Variants in ETV6 observed in about 807,000 individuals in gnomAD.
ETV6 encodes the protein ETS variant transcription factor 6, also known as transcription factor ETV6.
A neutral mutation model predicts 51.1 loss-of-function variants in ETV6; 16 were observed. The ratio of observed to expected loss-of-function variants is 0.31; its 90% CI spans 0.21 to 0.48. ETV6 has a LOEUF of 0.48. Ranked by LOEUF, ETV6 falls within the 20% of genes least tolerant of loss-of-function variation. The pLI is 0.99. For missense variants in ETV6, 458 were observed against 594.8 expected (o/e 0.77, Z 2.39); for synonymous variants, 240 against 224.1 (o/e 1.07, Z -0.64).
rs184432582 is a variant in ETV6, at chr12:11,849,331, C to G, written c.329-4096C>G. ...CTCACTATATTACCCAGGCTGGTCT[C>G]AAACTCCTGGGCTCAAGTGATCCTC... is the stretch of plus-strand genomic sequence containing the variant. On this transcript the variant is annotated intron_variant, in intron 3 of 7. Coordinates refer to ENST00000396373, the MANE Select transcript of ETV6 (RefSeq NM_001987.5). Among the ~76,000 whole-genome samples the G allele has an allele frequency of 3.1e-3, 477 of 152,198 alleles. 2 individuals carry two copies. Among genetic ancestry groups the G allele is most frequent in the African/African-American group, 0.011 (462 of 41,530 alleles).
At chr12:11,683,038 C>G (rs1007835053) in intron 1 of ETV6, among the ~76,000 whole-genome samples, 9 of 152,188 alleles carry the variant, frequency 5.9e-5, no homozygotes, top group African/African-American at 1.7e-4. Flanking sequence ...TGAGTAGATT[C>G]AATAATTCAA....
intron 1 of ETV6, among the ~76,000 whole-genome samples, chr12:11,693,430 T>C (rs928777896): frequency 6.6e-6 from 1 of 151,996 alleles, no homozygotes; most frequent in Non-Finnish European, 1.5e-5. Flanking sequence ...GGGTCTGTGC[T>C]ACTTAGTGTC....
intron 2 of ETV6, among the ~76,000 whole-genome samples, chr12:11,814,455 A>C (rs542947957): frequency 1.3e-5 from 2 of 152,204 alleles, no homozygotes; most frequent in Admixed American, 1.3e-4. Flanking sequence ...TATTGCAGAC[A>C]TGAAAGATCA....
chr12:11,807,182 T>G (rs557405532), intron 2 of ETV6, among the ~76,000 whole-genome samples: 23 of 152,362 alleles, frequency 1.5e-4, no homozygotes, highest in Admixed American at 1.4e-3. Context: ...GTAACTACAT[T>G]GCTTTTTACA....
chr12:11,699,536 T>C (rs938742450), intron 1 of ETV6, among the ~76,000 whole-genome samples: 4 of 152,168 alleles, frequency 2.6e-5, no homozygotes, highest in African/African-American at 9.7e-5. Context: ...GGTGTGTGTG[T>C]TTCTTCTATA....
chr12:11,671,724 C>T (rs1864318960), intron 1 of ETV6, among the ~76,000 whole-genome samples: 1 of 152,062 alleles, frequency 6.6e-6, no homozygotes, highest in Non-Finnish European at 1.5e-5. Context: ...ACTGAAGGTC[C>T]CAAGGCTATT....
At chr12:11,842,081 C>CAAA (rs35056557) in intron 3 of ETV6, among the ~76,000 whole-genome samples, 4 of 83,512 alleles carry the variant, frequency 4.8e-5, no homozygotes, top group Admixed American at 1.4e-4. Flanking sequence ...GACTCCGTCT[C>CAAA]AAAAAAAAAA....
At chr12:11,662,581 G>A (rs553715648) in intron 1 of ETV6, among the ~76,000 whole-genome samples, 109 of 152,348 alleles carry the variant, frequency 7.2e-4, no homozygotes, top group African/African-American at 2.5e-3. Context: ...GGTTCACCAT[G>A]GAGGAGGTGT....
At chr12:11,779,685 T>C (rs1945383419) in intron 2 of ETV6, among the ~76,000 whole-genome samples, 1 of 152,220 alleles carries the variant, frequency 6.6e-6, no homozygotes, top group Non-Finnish European at 1.5e-5. Flanking sequence ...GAAATAACCT[T>C]TGGTGCTTAG....
At chr12:11,804,303 C>T (rs922766676) in intron 2 of ETV6, among the ~76,000 whole-genome samples, 3 of 152,156 alleles carry the variant, frequency 2.0e-5, no homozygotes, top group African/African-American at 7.2e-5. Context: ...CTGTTACTTC[C>T]CTGTGCCAAA....
chr12:11,875,067 A>C (rs1234405113), intron 5 of ETV6, among the ~76,000 whole-genome samples: 2 of 152,198 alleles, frequency 1.3e-5, no homozygotes, highest in Admixed American at 1.3e-4. Flanking sequence ...GATACATGCA[A>C]ATTTATGTCT....
intron 1 of ETV6, among the ~76,000 whole-genome samples, chr12:11,730,017 G>A (rs1375826337): frequency 6.6e-6 from 1 of 152,102 alleles, no homozygotes; most frequent in African/African-American, 2.4e-5. Context: ...GCGTTACTGG[G>A]GGATTTTTCT....
Position 11,853,458 on chromosome 12 carries a change from T to G in ETV6, c.360T>G (p.Ile120Met). 2 of 1,614,142 alleles carry G rather than the reference T, an allele frequency of 1.2e-6. No individual in the cohort carries two copies. The highest frequency in any genetic ancestry group is 1.7e-6 in the Non-Finnish European group (2 of 1,179,962). The part of the protein sequence containing the change: ...GDVLYELLQH[I>M]LKQRKPRILF... ...TGCTCTATGAACTCCTTCAGCATAT[T>G]CTGAAGCAGAGGAAACCTCGGATTC... The change falls in exon 4 of 8, where the codon ATT becomes ATG. Residue 120 changes from isoleucine (I) to methionine (M), a missense_variant. Physicochemically the swap from Ile to Met is conservative, Grantham distance 10. Transcript: ENST00000396373.
intron 1 of ETV6, among the ~76,000 whole-genome samples, chr12:11,727,387 T>G (rs1865510921): frequency 6.6e-6 from 1 of 152,232 alleles, no homozygotes; most frequent in Non-Finnish European, 1.5e-5. Flanking sequence ...TAGGGCCCTC[T>G]CCCTCGTGGT....
chr12:11,829,615 C>T (rs941681046), intron 2 of ETV6, among the ~76,000 whole-genome samples: 1 of 152,276 alleles, frequency 6.6e-6, no homozygotes, highest in Non-Finnish European at 1.5e-5. Context: ...TTGCTGTCAA[C>T]AGGTTTTCTG....
intron 1 of ETV6, among the ~76,000 whole-genome samples, chr12:11,660,474 C>T (rs1437928826): frequency 6.6e-6 from 1 of 151,798 alleles, no homozygotes; most frequent in African/African-American, 2.4e-5. Flanking sequence ...TGGTAGGTGC[C>T]TGTAATCCCA....
chr12:11,854,478 C>T (rs1023196339), intron 4 of ETV6, among the ~76,000 whole-genome samples: 4 of 152,254 alleles, frequency 2.6e-5, no homozygotes, highest in African/African-American at 4.8e-5. Flanking sequence ...AAGAAAATGA[C>T]GTAAGGGTGG....
At chr12:11,852,085 C>T (rs1946564748) in intron 3 of ETV6, among the ~76,000 whole-genome samples, 2 of 152,154 alleles carry the variant, frequency 1.3e-5, no homozygotes, top group Non-Finnish European at 2.9e-5. Flanking sequence ...TGTGAGGAGA[C>T]AGTCACAGGC....
rs116006176 is a variant in ETV6, at chr12:11,747,090, C to T, written c.34-5360C>T. On this transcript the variant is annotated intron_variant, in intron 1 of 7. Coordinates refer to ENST00000396373, the MANE Select transcript of ETV6 (RefSeq NM_001987.5). ...CACAGCAACATTGAGTTTGGTTTGT[C>T]TGGCGTACCCTCTCCCCAAGGGCTG... Among the ~76,000 whole-genome samples, 1,031 of 152,268 alleles carry T rather than the reference C, an allele frequency of 6.8e-3. 10 individuals are homozygous for T. Among genetic ancestry groups the T allele is most frequent in the African/African-American group, 0.024 (993 of 41,538 alleles).
Sources: allele counts gnomAD v4.1 joint callset (sites outside exome capture counted in the v4.1 genomes callset), GRCh38; gene constraint gnomAD v4.1.1; transcripts MANE v1.5; gene names NCBI Gene and HGNC (gene_info 2026-07-23, HGNC 2026-07-21).